The following POLR3E variants were observed in gnomAD, a reference collection of about 807,000 sequenced individuals.
The protein encoded by POLR3E is RNA polymerase III subunit E, also known as DNA-directed RNA polymerase III subunit RPC5.
A neutral mutation model predicts 96.6 loss-of-function variants in POLR3E; 41 were observed. The observed-to-expected ratio is 0.42, with a 90% CI of 0.33 to 0.55. The LOEUF (loss-of-function observed/expected upper bound fraction) is 0.55, where lower values mean the gene tolerates loss of function less well. POLR3E is among the 20% of genes least tolerant of loss of function. POLR3E has a pLI of 0.06. For missense variants in POLR3E, 849 were observed against 952.1 expected (o/e 0.89, Z 1.43); for synonymous variants, 396 against 383.6 (o/e 1.03, Z -0.38).
intron 16 of POLR3E, among the ~76,000 whole-genome samples, chr16:22,324,968 T>C (rs552386957): frequency 1.3e-5 from 2 of 151,954 alleles, no homozygotes. Flanking sequence ...GAGGGAGCAC[T>C]CAGGAGCAAG....
intron 16 of POLR3E, among the ~76,000 whole-genome samples, chr16:22,324,867 C>T (rs1171681630): frequency 1.3e-5 from 2 of 152,184 alleles, no homozygotes; most frequent in Non-Finnish European, 2.9e-5. Flanking sequence ...TGGCTGATCC[C>T]ACCATCCTTT....
chr16:22,332,281 C>T (rs537551980), intron 20 of POLR3E, 96 bp downstream of exon 20: 7 of 1,161,548 alleles, frequency 6.0e-6, no homozygotes, highest in Admixed American at 2.3e-5. Context: ...TATATGAAAT[C>T]AGGCTTCCTT....
rs1598261732 is a variant in POLR3E, at chr16:22,318,727, G to T, written c.866-99G>T. On this transcript the variant is annotated intron_variant, in intron 12 of 20. Coordinates refer to ENST00000299853, the MANE Select transcript of POLR3E (RefSeq NM_018119.4). This position sits in a 1 kb window ranked among gnomAD's most constrained non-coding sequence, Gnocchi z 5.0. ...CATTACTGTTAGTTATCACATTCTG[G>T]GGTTATTACATGAACTTGAAGCTAT... is the stretch of plus-strand genomic sequence containing the variant. The T allele has an allele frequency of 7.1e-6, 9 of 1,268,716 alleles. No individual in the cohort carries two copies. Among genetic ancestry groups the T allele is most frequent in the Non-Finnish European group, 1.0e-5 (9 of 897,570 alleles). 78.6% of individuals were successfully genotyped at this position (1,268,716 alleles called of 1,614,324 possible).
intron 6 of POLR3E, among the ~76,000 whole-genome samples, chr16:22,312,885 A>C (rs1000288903): frequency 2.0e-5 from 3 of 151,664 alleles, no homozygotes; most frequent in East Asian, 1.9e-4. Context: ...AAAAAAAAAA[A>C]AAAAAAAAAA....
At chr16:22,309,382 C>A in intron 5 of POLR3E, 46 bp from the exon 6 acceptor site, 1 of 1,422,192 alleles carries the variant, frequency 7.0e-7, no homozygotes, top group Non-Finnish European at 9.9e-7. Flanking sequence ...CAGGCCCTGG[C>A]TCGGAGCTGC....
At chr16:22,308,465 C>A in intron 4 of POLR3E, 1 of 544,878 alleles carries the variant, frequency 1.8e-6, no homozygotes, top group Non-Finnish European at 3.3e-6. Context: ...GCTTAGGTTC[C>A]CAGGATAAGA....
At chr16:22,302,647 C>T (rs1455208366) in intron 1 of POLR3E, 4 of 377,582 alleles carry the variant, frequency 1.1e-5, no homozygotes, top group African/African-American at 2.1e-5. Context: ...AGAGAAGAAA[C>T]CATTAAAGCC....
At chr16:22,326,579 C>A in intron 18 of POLR3E, 1 of 506,272 alleles carries the variant, frequency 2.0e-6, no homozygotes, top group Non-Finnish European at 3.6e-6. Context: ...CTCACCCTGT[C>A]CCCCACCAAG....
rs771213501 is a variant in POLR3E, at chr16:22,308,975, C to T, written c.216C>T (p.Ser72=). 6.2e-7 allele frequency: 1 copy of T among 1,614,102 alleles called. No homozygotes were observed. Among genetic ancestry groups the T allele is most frequent in the Non-Finnish European group, 8.5e-7 (1 of 1,179,984 alleles). The change falls in exon 5 of 21, where the codon AGC becomes AGT. Residue 72 remains serine (S), a synonymous_variant. Transcript: ENST00000299853. ...IDTLNPNYCR[S]KGEQIALNVD... The stretch of plus-strand genomic sequence containing the variant: ...CCCTGAACCCCAACTATTGCCGCAG[C>T]AAAGGGGAGCAGATTGCGCTGAACG...
Position 22,333,751 on chromosome 16 carries a change from C to A in POLR3E, c.*51C>A. 2 of 1,323,690 alleles carry A rather than the reference C, an allele frequency of 1.5e-6. No homozygotes were observed. Among genetic ancestry groups the A allele is most frequent in the Non-Finnish European group, 2.2e-6 (2 of 915,342 alleles). 82.0% of individuals were successfully genotyped at this position (1,323,690 alleles called of 1,614,324 possible). On this transcript the variant is annotated 3_prime_UTR_variant, in exon 21 of 21. Transcript: ENST00000299853. ...CAAATCTAAGCCCAAGGAAGAAGGG[C>A]GGAACCAGAAGTAGGGCCTCGACTT...
At chr16:22,298,496 AAT>A (rs1451360835) in intron 1 of POLR3E, among the ~76,000 whole-genome samples, 1 of 152,152 alleles carries the variant, frequency 6.6e-6, no homozygotes, top group Non-Finnish European at 1.5e-5. Flanking sequence ...TAGGGATGAA[AAT>A]AGGGAGGAAT....
chr16:22,297,632 C>G (rs535129558), intron 1 of POLR3E, 95 bp downstream of exon 1: 12 of 152,682 alleles, frequency 7.9e-5, no homozygotes, highest in African/African-American at 2.2e-4. Flanking sequence ...GCCAAGGAGG[C>G]CCGCGCCGCG....
chr16:22,298,527 AGGTGGGTCACAGATGCCAAGCAGCTGT>A lies in POLR3E; in HGVS notation c.-39+997_-39+1023del, dbSNP rs2047948244. On this transcript the variant is annotated intron_variant, in intron 1 of 20. Coordinates refer to ENST00000299853, the MANE Select transcript of POLR3E (RefSeq NM_018119.4). ...GAGGAATACCAAACCCAGACAACTC[AGGTGGGTCACAGATGCCAAGCAGCTGT>A]GGTGGGATTTGAACCTGCACAGTTT... Among the ~76,000 whole-genome samples, 7 of 152,324 alleles carry A rather than the reference AGGTGGGTCACAGATGCCAAGCAGCTGT, an allele frequency of 4.6e-5. No individual in the cohort carries two copies. In the South Asian group the frequency reaches 1.5e-3, roughly 32 times the overall value.
rs967787753 is a variant in POLR3E at position 22,333,672 on chromosome 16, G to A, written c.2099G>A (p.Trp700Ter). 6.2e-7 allele frequency: 1 copy of A among 1,611,444 alleles called. No individual in the cohort carries two copies. The highest frequency in any genetic ancestry group is 1.3e-5 in the African/African-American group (1 of 74,844). ...TGCTGTGTAAGCTATGGTGGCATGT[G>A]GTACCTTAAAGGGACAGTACAGTCT... ...KDCCVSYGGM[W>*]YLKGTVQS Residue 700 changes from tryptophan to a stop codon, truncating the protein, a stop_gained, in exon 21 of 21, where the codon TGG becomes TAG. Transcript: ENST00000299853. LOFTEE classifies it high-confidence loss of function.
chr16:22,331,781 C>T (rs1048102993), intron 19 of POLR3E: 15 of 284,388 alleles, frequency 5.3e-5, no homozygotes, highest in African/African-American at 3.1e-4. Context: ...CATGTCTCTT[C>T]ACCAGTTCTT....
At chr16:22,317,667 T>TGTTGTTG (rs57442466) in intron 12 of POLR3E, among the ~76,000 whole-genome samples, 1 of 144,500 alleles carries the variant, frequency 6.9e-6, no homozygotes, top group African/African-American at 2.5e-5. Flanking sequence ...TTGTTGTTGT[T>TGTTGTTG]TTTTTTTTTA....
In POLR3E at chr16:22,315,202, C is replaced by T. The variant is rs755834244; in HGVS notation, c.636C>T (p.Gly212=). The T allele has an allele frequency of 3.1e-6, 5 of 1,591,436 alleles. No homozygotes were observed. Among genetic ancestry groups the T allele is most frequent in the Admixed American group, 1.8e-5 (1 of 56,242 alleles). Residue 212 remains glycine (G), a synonymous_variant, in exon 9 of 21, where the codon GGC becomes GGT. Coordinates refer to ENST00000299853, the MANE Select transcript of POLR3E (RefSeq NM_018119.4). ...CCTGGGTCCACCTGCATTACTATGG[C>T]CTGAGGGTGAGCGGGGCTTCGTGGG... ...EEPWVHLHYY[G]LRDSRSEHER...
intron 17 of POLR3E, 74 bp from the exon 18 acceptor site, chr16:22,325,687 C>A (rs923879111): frequency 2.7e-6 from 4 of 1,472,614 alleles, no homozygotes; most frequent in Admixed American, 2.5e-5. Context: ...TTGCTGCAGC[C>A]CCGCGGTCCC....
chr16:22,334,278 A>G lies in POLR3E; in HGVS notation c.*578A>G, dbSNP rs932922210. On this transcript the variant is annotated 3_prime_UTR_variant, in exon 21 of 21. Coordinates refer to ENST00000299853, the MANE Select transcript of POLR3E (RefSeq NM_018119.4). ...GTAGCAGTCTCAACTGTTTACATGAACCATAGCAAAAAAATCAGAATCAAA... is the reference window on the plus strand; with the variant it reads ...GTAGCAGTCTCAACTGTTTACATGAGCCATAGCAAAAAAATCAGAATCAAA... 6.6e-6 allele frequency: 1 copy of G among 152,248 alleles called. No individual in the cohort carries two copies. Among genetic ancestry groups the G allele is most frequent in the East Asian group, 1.9e-4 (1 of 5,196 alleles). 9.4% of individuals were successfully genotyped at this position (152,248 alleles called of 1,614,324 possible). A position where few individuals can be genotyped will look rare whatever the true frequency, so the allele number is the denominator to read the frequency against.
Sources: gnomAD v4.1 joint callset for allele counts (sites outside exome capture counted in the v4.1 genomes callset) on GRCh38, gnomAD v4.1.1 for gene constraint, Gnocchi (gnomAD v3.1) non-coding constraint, MANE v1.5 for transcripts, NCBI Gene and HGNC (gene_info 2026-07-23, HGNC 2026-07-21) for gene names.